TSPAN15: variants seen among roughly 807,000 people sequenced by gnomAD.
TSPAN15 encodes the protein tetraspanin 15.
Under a neutral mutation model 34.5 loss-of-function variants are expected in TSPAN15, and 20 were observed. The ratio of observed to expected loss-of-function variants is 0.58; its 90% CI spans 0.41 to 0.84. The LOEUF (loss-of-function observed/expected upper bound fraction) is 0.84. Among genes scored for constraint, TSPAN15 ranks in the 40% least tolerant of loss-of-function variants. The pLI is 0.00. For synonymous variants in TSPAN15, 155 were observed against 153.9 expected (o/e 1.01, Z -0.05); for missense variants, 313 against 386.1 (o/e 0.81, Z 1.59).
chr10:69,509,250 C>T (rs1014026412), downstream of TSPAN15, among the ~76,000 whole-genome samples: 7 of 135,418 alleles, frequency 5.2e-5, no homozygotes, highest in African/African-American at 8.7e-5. Flanking sequence ...CACACTGCAC[C>T]GCTGGCCAGC....
At chr10:69,512,297 C>A (rs1842423122), downstream of TSPAN15, among the ~76,000 whole-genome samples, 1 of 152,150 alleles carries the variant, frequency 6.6e-6, no homozygotes, top group African/African-American at 2.4e-5. Flanking sequence ...CAGCCTACAT[C>A]ATTTGTGAAG....
At position 69,495,707 on chromosome 10, in the gene TSPAN15, G is replaced by A. The variant is rs1426247673; in HGVS notation, c.453+18G>A. The A allele has an allele frequency of 2.6e-6, 4 of 1,566,814 alleles. No homozygotes were observed. In the African/African-American group the frequency reaches 4.1e-5, roughly 16 times the overall value. ...AGAAAAAGGTGAGCCAGGCGCTTTG[G>A]GGTAGAGATGCGCCTCCCGTGCTCT... On this transcript the variant is annotated intron_variant, in intron 4 of 7. Transcript: ENST00000373290.
intron 1 of TSPAN15, among the ~76,000 whole-genome samples, chr10:69,474,189 T>A (rs1164703703): frequency 7.5e-6 from 1 of 133,670 alleles, no homozygotes; most frequent in Non-Finnish European, 1.6e-5. Flanking sequence ...CACCGCCTGC[T>A]CCTTTTCAGA....
intron 3 of TSPAN15, among the ~76,000 whole-genome samples, chr10:69,488,281 G>C (rs941180557): frequency 3.3e-5 from 5 of 152,164 alleles, no homozygotes; most frequent in African/African-American, 9.7e-5. Context: ...TGGCGGGGAT[G>C]GGGGAGGAGC....
At chr10:69,452,012 C>T (rs1173097139) in intron 1 of TSPAN15, among the ~76,000 whole-genome samples, 22 of 152,264 alleles carry the variant, frequency 1.4e-4, no homozygotes, top group Admixed American at 1.4e-3. Context: ...GCCGCGCCCA[C>T]CACGCCTACC....
the TSPAN15 span, among the ~76,000 whole-genome samples, chr10:69,537,733 A>C: frequency 5.2e-4 from 79 of 152,352 alleles, no homozygotes; most frequent in Middle Eastern, 3.4e-3. Flanking sequence ...ACACCAGCAT[A>C]TGAATTTCTG....
At chr10:69,497,589 C>G (rs1842114343) in intron 4 of TSPAN15, among the ~76,000 whole-genome samples, 1 of 152,184 alleles carries the variant, frequency 6.6e-6, no homozygotes, top group African/African-American at 2.4e-5. Flanking sequence ...TGCACAGCAC[C>G]TTTCCATCCA....
rs536063535 is a variant in TSPAN15, at chr10:69,502,910, A to G, written c.571-1528A>G. Among the ~76,000 whole-genome samples, 22 of 152,272 alleles carry G rather than the reference A, an allele frequency of 1.4e-4. No individual in the cohort carries two copies. In the East Asian group the frequency reaches 4.2e-3, roughly 29 times the overall value. On this transcript the variant is annotated intron_variant, in intron 5 of 7. Transcript: ENST00000373290. Reference sequence around the variant, plus strand: ...TTATGTTCATTATCTCCCTTTCTACAGTGTAAGTTCCATGAAGGCAGGGAC... The same window carrying G: ...TTATGTTCATTATCTCCCTTTCTACGGTGTAAGTTCCATGAAGGCAGGGAC...
chr10:69,539,463 G>GAA, the TSPAN15 span, among the ~76,000 whole-genome samples: 5,422 of 54,398 alleles, frequency 0.1, 424 homozygotes, highest in East Asian at 0.34. Context: ...AGAAGAAGAA[G>GAA]GAGAAGGAGA....
chr10:69,531,565 C>G, the TSPAN15 span, among the ~76,000 whole-genome samples: 1 of 152,128 alleles, frequency 6.6e-6, no homozygotes, highest in Non-Finnish European at 1.5e-5. Flanking sequence ...TGCCACTGCA[C>G]TCCAGCCTGG....
chr10:69,489,606 G>A (rs1292486796), intron 3 of TSPAN15, among the ~76,000 whole-genome samples: 1 of 152,200 alleles, frequency 6.6e-6, no homozygotes, highest in Non-Finnish European at 1.5e-5. Flanking sequence ...TTACATGTTG[G>A]GTTCTCAGCG....
chr10:69,493,905 G>A (rs932668655), intron 3 of TSPAN15, among the ~76,000 whole-genome samples: 12 of 152,334 alleles, frequency 7.9e-5, no homozygotes, highest in East Asian at 1.9e-4. Context: ...ATGAGCCACC[G>A]CGCCAGGCCT....
chr10:69,535,439 A>G, the TSPAN15 span, among the ~76,000 whole-genome samples: 950 of 152,306 alleles, frequency 6.2e-3, 6 homozygotes, highest in Non-Finnish European at 9.1e-3. Flanking sequence ...TAAAACCCAC[A>G]AACCAATTTG....
intron 1 of TSPAN15, among the ~76,000 whole-genome samples, chr10:69,480,206 G>A (rs1043299796): frequency 8.5e-5 from 13 of 152,148 alleles, no homozygotes; most frequent in Admixed American, 8.5e-4. Context: ...GTGTTTGGGG[G>A]ATGGTTTCCA....
intron 3 of TSPAN15, among the ~76,000 whole-genome samples, chr10:69,490,899 C>G (rs186350235): frequency 6.6e-6 from 1 of 152,222 alleles, no homozygotes; most frequent in Admixed American, 6.5e-5. Context: ...TCTGCGGGTA[C>G]GGAACCCGTG....
downstream of TSPAN15, among the ~76,000 whole-genome samples, chr10:69,508,536 A>G (rs558872962): frequency 6.6e-6 from 1 of 151,042 alleles, no homozygotes; most frequent in Non-Finnish European, 1.5e-5. Context: ...CCATCTACAC[A>G]CCCAGTAGTT....
At chr10:69,459,125 AC>A (rs1416096331) in intron 1 of TSPAN15, among the ~76,000 whole-genome samples, 1,343 of 63,060 alleles carry the variant, frequency 0.021, 22 homozygotes, top group African/African-American at 0.065. Context: ...AAAAAAAAAA[AC>A]AACAACAAAA....
intron 1 of TSPAN15, among the ~76,000 whole-genome samples, chr10:69,479,483 G>A (rs1288565394): frequency 1.3e-5 from 2 of 152,218 alleles, no homozygotes; most frequent in Non-Finnish European, 2.9e-5. Flanking sequence ...CCAGCAGCAC[G>A]CACTTTCCCT....
At chr10:69,504,866 G>T (rs1046356336) in intron 6 of TSPAN15, among the ~76,000 whole-genome samples, 3 of 152,166 alleles carry the variant, frequency 2.0e-5, no homozygotes, top group African/African-American at 4.8e-5. Flanking sequence ...CCCTCTGGGG[G>T]TTGCTCCTGG....
Sources: allele counts gnomAD v4.1 joint callset (sites outside exome capture counted in the v4.1 genomes callset), GRCh38; gene constraint gnomAD v4.1.1; transcripts MANE v1.5; gene names NCBI Gene and HGNC (gene_info 2026-07-23, HGNC 2026-07-21).